SGCZ: variants seen among roughly 807,000 people sequenced by gnomAD.
SGCZ encodes the protein zeta-sarcoglycan.
A neutral mutation model predicts 41.3 loss-of-function variants in SGCZ; 40 were observed. That is an observed-to-expected ratio of 0.97 (90% CI 0.75 to 1.26). SGCZ has a LOEUF of 1.26. Among genes scored for constraint, SGCZ ranks in the 50% most tolerant of loss-of-function variants. The pLI is 0.00. For missense variants in SGCZ, 552 were observed against 369.8 expected (o/e 1.49, Z -4.04); for synonymous variants, 206 against 137.5 (o/e 1.50, Z -3.49).
chr8:14,551,455 TTATA>T (rs1554537295), intron 2 of SGCZ, among the ~76,000 whole-genome samples: 1 of 6,028 alleles, frequency 1.7e-4, no homozygotes, highest in Non-Finnish European at 3.0e-4. Context: ...CATATATATA[TTATA>T]TATATTATAT....
At chr8:15,211,138 G>A (rs1171432391) in intron 1 of SGCZ, among the ~76,000 whole-genome samples, 1 of 150,916 alleles carries the variant, frequency 6.6e-6, no homozygotes, top group Non-Finnish European at 1.5e-5. Flanking sequence ...TACCTACACA[G>A]ATATTCTATA....
chr8:14,725,637 T>A (rs1365224410), intron 1 of SGCZ, among the ~76,000 whole-genome samples: 1 of 152,192 alleles, frequency 6.6e-6, no homozygotes, highest in African/African-American at 2.4e-5. Flanking sequence ...GAACATTTTT[T>A]AAAAATCACT....
At chr8:14,618,678 T>G (rs916115247) in intron 1 of SGCZ, among the ~76,000 whole-genome samples, 4 of 152,136 alleles carry the variant, frequency 2.6e-5, no homozygotes, top group Non-Finnish European at 4.4e-5. Flanking sequence ...GTAGGAAGTT[T>G]TGTGTAGGAA....
chr8:14,106,137 C>G (rs1034581000), intron 6 of SGCZ, among the ~76,000 whole-genome samples: 10 of 152,150 alleles, frequency 6.6e-5, no homozygotes, highest in African/African-American at 1.4e-4. Flanking sequence ...CAGTAATTCA[C>G]ATTAACAAAT....
chr8:14,097,413 G>C (rs1801879623), intron 7 of SGCZ, among the ~76,000 whole-genome samples: 1 of 152,194 alleles, frequency 6.6e-6, no homozygotes. Flanking sequence ...TTTTGAGTGA[G>C]TTTCTTAATC....
At chr8:14,222,040 C>G (rs2117123657) in intron 4 of SGCZ, among the ~76,000 whole-genome samples, 1 of 152,204 alleles carries the variant, frequency 6.6e-6, no homozygotes. Context: ...CAGAAGTACC[C>G]CCAACAAACT....
At chr8:15,193,350 C>G (rs1193840335) in intron 1 of SGCZ, among the ~76,000 whole-genome samples, 1 of 152,138 alleles carries the variant, frequency 6.6e-6, no homozygotes, top group African/African-American at 2.4e-5. Flanking sequence ...ATGAGGACAT[C>G]GTTATAACTG....
intron 1 of SGCZ, among the ~76,000 whole-genome samples, chr8:14,870,067 A>T (rs1236499483): frequency 2.0e-5 from 3 of 152,190 alleles, no homozygotes; most frequent in Non-Finnish European, 4.4e-5. Context: ...TCACAGAACT[A>T]GAAAAAAATA....
At chr8:15,066,402 G>T (rs1040162592) in intron 1 of SGCZ, among the ~76,000 whole-genome samples, 1 of 150,478 alleles carries the variant, frequency 6.6e-6, no homozygotes, top group South Asian at 2.1e-4. Flanking sequence ...TTTCCCTTCT[G>T]TGGTATATTA....
At chr8:14,183,667 T>A (rs1482931191) in intron 4 of SGCZ, among the ~76,000 whole-genome samples, 1 of 152,182 alleles carries the variant, frequency 6.6e-6, no homozygotes, top group Non-Finnish European at 1.5e-5. Context: ...GAAAAGCGTT[T>A]ACCAAGCTTG....
At chr8:14,731,539 A>T (rs1242637945) in intron 1 of SGCZ, among the ~76,000 whole-genome samples, 1 of 152,192 alleles carries the variant, frequency 6.6e-6, no homozygotes, top group African/African-American at 2.4e-5. Flanking sequence ...TATAATAAAA[A>T]TAATTTTTAA....
intron 1 of SGCZ, among the ~76,000 whole-genome samples, chr8:15,016,289 G>A (rs1287655345): frequency 6.6e-6 from 1 of 152,062 alleles, no homozygotes; most frequent in Admixed American, 6.6e-5. Flanking sequence ...CCACTGCTTT[G>A]ATACTCAGAG....
chr8:14,271,915 A>C (rs1800077465), intron 3 of SGCZ, among the ~76,000 whole-genome samples: 2 of 152,120 alleles, frequency 1.3e-5, no homozygotes, highest in African/African-American at 4.8e-5. Flanking sequence ...TTCCATGTAC[A>C]TTTTTCGTAA....
chr8:14,519,592 G>A (rs1399333831), intron 2 of SGCZ, among the ~76,000 whole-genome samples: 1 of 152,020 alleles, frequency 6.6e-6, no homozygotes, highest in Non-Finnish European at 1.5e-5. Flanking sequence ...TTAGTGATGG[G>A]TAGTGTGCTA....
At chr8:14,674,504 T>C (rs372928702) in intron 1 of SGCZ, among the ~76,000 whole-genome samples, 1 of 152,318 alleles carries the variant, frequency 6.6e-6, no homozygotes, top group African/African-American at 2.4e-5. Flanking sequence ...CAAAATTGGT[T>C]TGAAAATAAA....
chr8:14,765,657 A>G (rs1585241703), intron 1 of SGCZ, among the ~76,000 whole-genome samples: 1 of 152,212 alleles, frequency 6.6e-6, no homozygotes, highest in African/African-American at 2.4e-5. Context: ...TTAAGCAAGA[A>G]ACATAAAATT....
intron 1 of SGCZ, among the ~76,000 whole-genome samples, chr8:14,652,421 A>G (rs2117459171): frequency 6.6e-6 from 1 of 151,572 alleles, no homozygotes; most frequent in Non-Finnish European, 1.5e-5. Flanking sequence ...AACAATTCCT[A>G]TGAAGACAAT....
chr8:14,198,214 G>C (rs896795627), intron 4 of SGCZ, among the ~76,000 whole-genome samples: 6 of 152,118 alleles, frequency 3.9e-5, no homozygotes, highest in African/African-American at 1.4e-4. Context: ...CGTTTGTCTA[G>C]CATCTCCATG....
chr8:14,843,750 G>A (rs1803004507), intron 1 of SGCZ, among the ~76,000 whole-genome samples: 1 of 151,936 alleles, frequency 6.6e-6, no homozygotes, highest in South Asian at 2.1e-4. Context: ...ACACTGCCAA[G>A]AACTTCATAA....
Sources: allele counts gnomAD v4.1 joint callset (sites outside exome capture counted in the v4.1 genomes callset), GRCh38; gene constraint gnomAD v4.1.1; transcripts MANE v1.5; gene names NCBI Gene and HGNC (gene_info 2026-07-23, HGNC 2026-07-21).